CKAP5: variants seen among roughly 807,000 people sequenced by gnomAD.
The protein encoded by CKAP5 is cytoskeleton-associated protein 5.
In CKAP5, 27 loss-of-function variants were observed where a neutral mutation model predicts 232.8. That is an observed-to-expected ratio of 0.12 (90% CI 0.09 to 0.16). The LOEUF is 0.16. Among genes scored for constraint, CKAP5 ranks in the 10% least tolerant of loss-of-function variants. The pLI is 1.00. For synonymous variants in CKAP5, 785 were observed against 841.1 expected, an observed-to-expected ratio of 0.93 and a Z score of 1.16; for missense variants, 1,838 against 2,424.7, an observed-to-expected ratio of 0.76 and a Z score of 5.08.
intron 9 of CKAP5, among the ~76,000 whole-genome samples, chr11:46,798,878 T>G (rs1248862272): frequency 6.6e-6 from 1 of 152,216 alleles, no homozygotes; most frequent in African/African-American, 2.4e-5. Context: ...AAAAACCACC[T>G]TGTCTCCACC....
Position 46,809,516 on chromosome 11 carries a change from C to T in CKAP5, c.764-16G>A. ...TCATCACCACCTTTAAGGAGAAAAA[C>T]AACACAAACCTTAAAAATGCTTAGA... is the stretch of plus-strand genomic sequence containing the variant. On this transcript the variant is annotated splice_polypyrimidine_tract_variant and intron_variant, in intron 6 of 43. Transcript: ENST00000529230. 1 of 1,554,278 alleles carries T rather than the reference C, an allele frequency of 6.4e-7. No individual in the cohort carries two copies. Among genetic ancestry groups the T allele is most frequent in the Non-Finnish European group, 8.8e-7 (1 of 1,131,606 alleles).
intron 8 of CKAP5, among the ~76,000 whole-genome samples, chr11:46,803,372 G>A (rs1437552958): frequency 6.6e-6 from 1 of 151,608 alleles, no homozygotes; most frequent in Non-Finnish European, 1.5e-5. Context: ...AGGTTCAAGC[G>A]ATCTTCCCAC....
Position 46,808,156 on chromosome 11 carries a change from A to C in CKAP5, c.865-12T>G. On this transcript the variant is annotated splice_polypyrimidine_tract_variant and intron_variant, in intron 7 of 43. Coordinates refer to ENST00000529230, the MANE Select transcript of CKAP5 (RefSeq NM_001008938.4). The stretch of plus-strand genomic sequence containing the variant: ...CATTTTTTTGCCTCCTGCAAGATAC[A>C]ATATGAGTCATTTGTAACAGGAAAT... 1 of 1,495,524 alleles carries C rather than the reference A, an allele frequency of 6.7e-7. No homozygotes were observed. Among genetic ancestry groups the C allele is most frequent in the Non-Finnish European group, 9.3e-7 (1 of 1,076,144 alleles). 92.6% of individuals were successfully genotyped at this position (1,495,524 alleles called of 1,614,324 possible). A position where few individuals can be genotyped will look rare whatever the true frequency, so the allele number is the denominator to read the frequency against.
At chr11:46,839,259 G>A (rs535181937) in intron 1 of CKAP5, among the ~76,000 whole-genome samples, 3 of 152,308 alleles carry the variant, frequency 2.0e-5, no homozygotes, top group African/African-American at 7.2e-5. Context: ...CAGGCTGGGG[G>A]TAGGGGTAGA....
At chr11:46,818,665 T>A (rs1333385280) in intron 2 of CKAP5, among the ~76,000 whole-genome samples, 162 bp from the exon 3 acceptor site, 1 of 152,136 alleles carries the variant, frequency 6.6e-6, no homozygotes, top group Non-Finnish European at 1.5e-5. Flanking sequence ...TTTAAGAAAT[T>A]GGCAGTTTTC....
intron 33 of CKAP5, 73 bp downstream of exon 33, chr11:46,760,539 T>C: frequency 4.2e-6 from 6 of 1,442,704 alleles, no homozygotes; most frequent in Non-Finnish European, 5.8e-6. Flanking sequence ...AAGATTATGT[T>C]ACAGGACAGG....
intron 18 of CKAP5, among the ~76,000 whole-genome samples, chr11:46,781,630 G>A (rs2065342680): frequency 6.6e-6 from 1 of 152,024 alleles, no homozygotes; most frequent in Non-Finnish European, 1.5e-5. Flanking sequence ...TTTGGCATTT[G>A]CTCTTCCCTT....
At chr11:46,747,416 A>G (rs2065030210) in intron 42 of CKAP5, among the ~76,000 whole-genome samples, 1 of 151,880 alleles carries the variant, frequency 6.6e-6, no homozygotes, top group African/African-American at 2.4e-5. Flanking sequence ...AGCCTGGCCA[A>G]TACGGTGAAA....
At chr11:46,783,195 T>A in intron 18 of CKAP5, 79 bp downstream of exon 18, 1 of 759,438 alleles carries the variant, frequency 1.3e-6, no homozygotes, top group Non-Finnish European at 2.2e-6. Context: ...TAAACAGCAA[T>A]AGCTATTATT....
intron 1 of CKAP5, among the ~76,000 whole-genome samples, chr11:46,830,440 C>CAAAAAAAAAAAAAAAAAAAA: frequency 1.5e-5 from 1 of 67,932 alleles, no homozygotes; most frequent in Non-Finnish European, 2.8e-5. Flanking sequence ...GACTCCGTCT[C>CAAAAAAAAAAAAAAAAAAAA]AAAAAAAAAA....
At position 46,765,218 on chromosome 11, in the gene CKAP5, T is replaced by C. The variant is rs1201757887; in HGVS notation, c.3450A>G (p.Leu1150=). ...QGKKMPSKTS[L]KEDEDKSGPI... ...GCCCGGATTTGTCTTCATCCTCCTTTAAGCTGGTTTTGCTTGGCATCTTCT... is the reference window on the plus strand; with the variant it reads ...GCCCGGATTTGTCTTCATCCTCCTTCAAGCTGGTTTTGCTTGGCATCTTCT... The change falls in exon 28 of 44, where the codon TTA becomes TTG. Residue 1150 remains leucine, a synonymous_variant. Transcript: ENST00000529230. The C allele has an allele frequency of 1.2e-6, 2 of 1,613,024 alleles. No individual in the cohort carries two copies. The highest frequency in any genetic ancestry group is 1.3e-5 in the African/African-American group (1 of 74,864).
intron 1 of CKAP5, among the ~76,000 whole-genome samples, chr11:46,834,014 C>A (rs1197462569): frequency 6.6e-6 from 1 of 152,100 alleles, no homozygotes; most frequent in Non-Finnish European, 1.5e-5. Flanking sequence ...GGATTACAGG[C>A]GTGTGCCACC....
chr11:46,801,664 C>T (rs533970974), intron 8 of CKAP5, among the ~76,000 whole-genome samples: 63 of 149,806 alleles, frequency 4.2e-4, no homozygotes, highest in Non-Finnish European at 8.6e-4. Context: ...AGCAAGACTC[C>T]ATCTCAAAAA....
intron 22 of CKAP5, 50 bp downstream of exon 22, chr11:46,778,089 T>C (rs1464652108): frequency 1.3e-6 from 2 of 1,496,410 alleles, no homozygotes; most frequent in Non-Finnish European, 1.8e-6. Context: ...AGGTAACTCC[T>C]GCAGCAGTGG....
At position 46,767,576 on chromosome 11, in the gene CKAP5, T is replaced by G; in HGVS notation, c.3410A>C (p.Lys1137Thr). The G allele has an allele frequency of 6.2e-7, 1 of 1,603,734 alleles. No individual in the cohort carries two copies. The highest frequency in any genetic ancestry group is 8.5e-7 in the Non-Finnish European group (1 of 1,171,380). ...AKAPGLSSKA[K>T]SAQGKKMPSK... is the part of the protein sequence containing the mutation. ...TCGAAGTATACAGAGTTAACATACC[T>G]TTGCTTTAGAGGATAATCCTGGAGC... Residue 1137 changes from lysine (K) to threonine (T), a missense_variant and splice_region_variant, in exon 27 of 44, where the codon AAG becomes ACG. Lys to Thr is a moderately conservative substitution (Grantham distance 78). Around this residue, in one of 6 missense-constraint regions of CKAP5, gnomAD observed 767 missense variants for 954.6 expected, o/e 0.80. Transcript: ENST00000529230.
intron 1 of CKAP5, among the ~76,000 whole-genome samples, chr11:46,831,248 T>C (rs1409550223): frequency 6.6e-6 from 1 of 152,152 alleles, no homozygotes; most frequent in Non-Finnish European, 1.5e-5. Context: ...TAAATTTTTT[T>C]CATTTACTTT....
intron 1 of CKAP5, among the ~76,000 whole-genome samples, chr11:46,828,926 A>G (rs1939715017): frequency 6.6e-6 from 1 of 152,220 alleles, no homozygotes; most frequent in Non-Finnish European, 1.5e-5. Context: ...AAGATGAGAA[A>G]GTTCTGGAGA....
At chr11:46,786,138 C>A (rs1025365105) in intron 16 of CKAP5, among the ~76,000 whole-genome samples, 1 of 152,170 alleles carries the variant, frequency 6.6e-6, no homozygotes, top group African/African-American at 2.4e-5. Context: ...CAAAAACTAT[C>A]CAAATCAACT....
intron 3 of CKAP5, 27 bp downstream of exon 3, chr11:46,818,283 C>G (rs776507297): frequency 7.8e-6 from 12 of 1,529,686 alleles, no homozygotes; most frequent in African/African-American, 1.4e-5. Context: ...GGGTTTTTAT[C>G]AGTAAAGTTG....
Sources: gnomAD v4.1 joint callset for allele counts (sites outside exome capture counted in the v4.1 genomes callset) on GRCh38, gnomAD v4.1.1 for gene constraint, gnomAD v4.1.1 regional missense constraint, MANE v1.5 for transcripts, NCBI Gene and HGNC (gene_info 2026-07-23, HGNC 2026-07-21) for gene names.